The following STX11 variants were observed in gnomAD, a reference collection of about 807,000 sequenced individuals.
STX11 encodes syntaxin 11.
In STX11, 21 loss-of-function variants were observed where a neutral mutation model predicts 19.9. That is an observed-to-expected ratio of 1.06 (90% CI 0.75 to 1.52). STX11 has a LOEUF of 1.52. Ranked by LOEUF, STX11 falls within the 40% of genes most tolerant of loss-of-function variation. STX11 has a pLI of 0.00. For missense variants in STX11, 438 were observed against 405.9 expected, an observed-to-expected ratio of 1.08 and a Z score of -0.68; for synonymous variants, 193 against 174.4, an observed-to-expected ratio of 1.11 and a Z score of -0.84.
chr6:144,141,431 C>T, the STX11 span, among the ~76,000 whole-genome samples: 2 of 152,150 alleles, frequency 1.3e-5, no homozygotes, highest in Admixed American at 6.5e-5. Flanking sequence ...CAAAATAATA[C>T]GATTTTTCGC....
chr6:144,187,535 G>C lies in STX11; in HGVS notation c.*44G>C, dbSNP rs777687041. On this transcript the variant is annotated 3_prime_UTR_variant, in exon 2 of 2. Transcript: ENST00000367568. This position sits in a 1 kb window ranked among gnomAD's most constrained non-coding sequence, Gnocchi z 5.6. ...CACCGCCCATCCCAGACCATGGAGC[G>C]CGCTGGGAAGGACGCACCAAAGCCG... 1 of 1,610,896 alleles carries C rather than the reference G, an allele frequency of 6.2e-7. No individual in the cohort carries two copies. Among genetic ancestry groups the C allele is most frequent in the Non-Finnish European group, 8.5e-7 (1 of 1,179,616 alleles).
chr6:144,184,231 C>T lies in STX11; in HGVS notation c.-5-2392C>T, dbSNP rs1269649744. Among the ~76,000 whole-genome samples, 1 of 152,166 alleles carries T rather than the reference C, an allele frequency of 6.6e-6. No individual in the cohort carries two copies. The highest frequency in any genetic ancestry group is 2.4e-5 in the African/African-American group (1 of 41,430). On this transcript the variant is annotated intron_variant, in intron 1 of 1. Coordinates refer to ENST00000367568, the MANE Select transcript of STX11 (RefSeq NM_003764.4). This position sits in a 1 kb window ranked among gnomAD's most constrained non-coding sequence, Gnocchi z 6.5. ...ATATACCCAGTAATGGGATCGCTGG[C>T]TCAAATGGTGTTTCCAGTTCTAAAT...
Position 144,183,285 on chromosome 6 carries a change from GC to G in STX11, c.-5-3337del, listed in dbSNP as rs1344115405. ...TTTTTATGCCTAACAGAGTATATAT[GC>G]TTTTCATGCCATTAGATAGCCTTCT... On this transcript the variant is annotated intron_variant, in intron 1 of 1. Coordinates refer to ENST00000367568, the MANE Select transcript of STX11 (RefSeq NM_003764.4). The surrounding 1 kb of genome is among the most constrained non-coding windows in gnomAD (Gnocchi z 4.6). 6.6e-6 allele frequency among the ~76,000 whole-genome samples: 1 copy of G among 152,178 alleles called. No individual in the cohort carries two copies. Among genetic ancestry groups the G allele is most frequent in the Non-Finnish European group, 1.5e-5 (1 of 68,020 alleles).
intron 1 of STX11, among the ~76,000 whole-genome samples, chr6:144,156,343 C>T (rs539962279): frequency 1.3e-5 from 2 of 152,214 alleles, no homozygotes; most frequent in Admixed American, 6.5e-5. Context: ...GGATTATAGG[C>T]GTGAGCCACT....
rs1801566687 is a variant in STX11 at position 144,169,351 on chromosome 6, A to G, written c.-5-17272A>G. 6.6e-6 allele frequency among the ~76,000 whole-genome samples: 1 copy of G among 152,200 alleles called. No homozygotes were observed. Among genetic ancestry groups the G allele is most frequent in the Non-Finnish European group, 1.5e-5 (1 of 68,036 alleles). On this transcript the variant is annotated intron_variant, in intron 1 of 1. Coordinates refer to ENST00000367568, the MANE Select transcript of STX11 (RefSeq NM_003764.4). This position sits in a 1 kb window ranked among gnomAD's most constrained non-coding sequence, Gnocchi z 5.2. Reference sequence around the variant, plus strand: ...AGCAATGACCTTGGCAAATTCATCAATTAATTTCTCTGCTGCTTTGTGATC... The same window carrying G: ...AGCAATGACCTTGGCAAATTCATCAGTTAATTTCTCTGCTGCTTTGTGATC...
the STX11 span, among the ~76,000 whole-genome samples, chr6:144,140,250 ATATATT>A: frequency 0.017 from 733 of 43,706 alleles, no homozygotes; most frequent in Non-Finnish European, 0.021. Context: ...ATATATATAT[ATATATT>A]TATTTATTTA....
Position 144,153,483 on chromosome 6 carries a change from C to T in STX11, c.-6+2780C>T, listed in dbSNP as rs906678704. Among the ~76,000 whole-genome samples, 25 of 152,232 alleles carry T rather than the reference C, an allele frequency of 1.6e-4. No homozygotes were observed. The highest frequency in any genetic ancestry group is 1.2e-3 in the Admixed American group (19 of 15,290). Reference sequence around the variant, plus strand: ...CAGGAAACTCCAGCCTGTTTAGTGACGGCACAGAGGGAGGCCTACGGAGAC... The same window carrying T: ...CAGGAAACTCCAGCCTGTTTAGTGATGGCACAGAGGGAGGCCTACGGAGAC... On this transcript the variant is annotated intron_variant, in intron 1 of 1. Transcript: ENST00000367568. This position sits in a 1 kb window ranked among gnomAD's most constrained non-coding sequence, Gnocchi z 5.0.
At position 144,172,894 on chromosome 6, in the gene STX11, A is replaced by T. The variant is rs1037129281; in HGVS notation, c.-5-13729A>T. On this transcript the variant is annotated intron_variant, in intron 1 of 1. Coordinates refer to ENST00000367568, the MANE Select transcript of STX11 (RefSeq NM_003764.4). This position sits in a 1 kb window ranked among gnomAD's most constrained non-coding sequence, Gnocchi z 4.2. ...AGTAGACACCCCATTTAAAAAAAAA[A>T]AAGAGCCATTAACAGGATACATATG... Among the ~76,000 whole-genome samples the T allele has an allele frequency of 7.9e-5, 12 of 152,278 alleles. No homozygotes were observed. Among genetic ancestry groups the T allele is most frequent in the Non-Finnish European group, 1.8e-4 (12 of 68,026 alleles).
At position 144,176,718 on chromosome 6, in the gene STX11, T is replaced by C. The variant is rs1301959782; in HGVS notation, c.-5-9905T>C. ...CAAATCAAGCTGATCTTTGAACACA[T>C]GGTTGAAAGATGTTAATAATGGCCA... On this transcript the variant is annotated intron_variant, in intron 1 of 1. Coordinates refer to ENST00000367568, the MANE Select transcript of STX11 (RefSeq NM_003764.4). The surrounding 1 kb of genome is among the most constrained non-coding windows in gnomAD (Gnocchi z 4.1). Among the ~76,000 whole-genome samples the C allele has an allele frequency of 6.6e-6, 1 of 152,168 alleles. No individual in the cohort carries two copies. Among genetic ancestry groups the C allele is most frequent in the Non-Finnish European group, 1.5e-5 (1 of 68,030 alleles).
chr6:144,151,313 C>T lies in STX11; in HGVS notation c.-6+610C>T, dbSNP rs989904251. 4.1e-6 allele frequency: 4 copies of T among 985,270 alleles called. No homozygotes were observed. Among genetic ancestry groups the T allele is most frequent in the African/African-American group, 1.7e-5 (1 of 57,218 alleles). 61.0% of individuals were successfully genotyped at this position (985,270 alleles called of 1,614,324 possible). On this transcript the variant is annotated intron_variant, in intron 1 of 1. Coordinates refer to ENST00000367568, the MANE Select transcript of STX11 (RefSeq NM_003764.4). The surrounding 1 kb of genome is among the most constrained non-coding windows in gnomAD (Gnocchi z 4.6). ...GGGAATTCTGCCTTTTTCTAGACTC[C>T]GCTGACACCAGCTGAGATCTGTATT... is the stretch of plus-strand genomic sequence containing the variant.
Position 144,182,665 on chromosome 6 carries a change from A to T in STX11, c.-5-3958A>T, listed in dbSNP as rs541346004. Among the ~76,000 whole-genome samples, 1 of 152,282 alleles carries T rather than the reference A, an allele frequency of 6.6e-6. No homozygotes were observed. The highest frequency in any genetic ancestry group is 1.5e-5 in the Non-Finnish European group (1 of 68,030). The stretch of plus-strand genomic sequence containing the variant: ...TATTGTGATGAGATGATTTCCCCCA[A>T]TAGCTTTTTAATGGCTGTAGGAGAG... On this transcript the variant is annotated intron_variant, in intron 1 of 1. Transcript: ENST00000367568. This position sits in a 1 kb window ranked among gnomAD's most constrained non-coding sequence, Gnocchi z 4.8.
intron 1 of STX11, among the ~76,000 whole-genome samples, chr6:144,178,863 G>A (rs1040252338): frequency 8.5e-4 from 128 of 150,780 alleles, no homozygotes; most frequent in Non-Finnish European, 2.7e-4. Flanking sequence ...AATTAACTTC[G>A]GAGCAGCAAG....
intron 1 of STX11, among the ~76,000 whole-genome samples, chr6:144,185,374 C>T (rs1226946980): frequency 1.3e-5 from 2 of 152,172 alleles, no homozygotes; most frequent in African/African-American, 2.4e-5. Flanking sequence ...CCCCTCTTTG[C>T]TGCAAATTGT....
chr6:144,149,812 T>G (rs1800947224), upstream of STX11, among the ~76,000 whole-genome samples: 1 of 152,196 alleles, frequency 6.6e-6, no homozygotes, highest in Non-Finnish European at 1.5e-5. This position sits in a 1 kb window ranked among gnomAD's most constrained non-coding sequence, Gnocchi z 5.1. Context: ...TCCTTACTTT[T>G]CAGCCTCAGC....
rs1470334890 is a variant in STX11 at position 144,152,817 on chromosome 6, A to T, written c.-6+2114A>T. ...CCCGGCTAATTTTTGTATTTTTAGT[A>T]GGGACAAGGTTCGGCCCTGTTGGCC... On this transcript the variant is annotated intron_variant, in intron 1 of 1. Transcript: ENST00000367568. This position sits in a 1 kb window ranked among gnomAD's most constrained non-coding sequence, Gnocchi z 4.9. 6.6e-6 allele frequency among the ~76,000 whole-genome samples: 1 copy of T among 152,240 alleles called. No individual in the cohort carries two copies. The highest frequency in any genetic ancestry group is 2.4e-5 in the African/African-American group (1 of 41,466).
chr6:144,146,575 G>A (rs1262025246), upstream of STX11, among the ~76,000 whole-genome samples: 1 of 152,170 alleles, frequency 6.6e-6, no homozygotes, highest in Non-Finnish European at 1.5e-5. The surrounding 1 kb of genome is among the most constrained non-coding windows in gnomAD (Gnocchi z 4.4). Context: ...GCCTCCCAAA[G>A]TGCTGGGATT....
At chr6:144,166,880 C>A (rs58766147) in intron 1 of STX11, among the ~76,000 whole-genome samples, 1 of 149,988 alleles carries the variant, frequency 6.7e-6, no homozygotes, top group African/African-American at 2.5e-5. Flanking sequence ...CTCTCCTTCC[C>A]TTCCCTTCCT....
In STX11 at chr6:144,170,767, G is replaced by A. The variant is rs1362495913; in HGVS notation, c.-5-15856G>A. On this transcript the variant is annotated intron_variant, in intron 1 of 1. Transcript: ENST00000367568. The surrounding 1 kb of genome is among the most constrained non-coding windows in gnomAD (Gnocchi z 4.7). ...AGACAGAAAATAAACTGTTAGTAGTGTAATTAACAAATGGCATCATTTATA... is the reference window on the plus strand; with the variant it reads ...AGACAGAAAATAAACTGTTAGTAGTATAATTAACAAATGGCATCATTTATA... Among the ~76,000 whole-genome samples, 1 of 152,166 alleles carries A rather than the reference G, an allele frequency of 6.6e-6. No individual in the cohort carries two copies. Among genetic ancestry groups the A allele is most frequent in the African/African-American group, 2.4e-5 (1 of 41,430 alleles).
chr6:144,160,192 A>T lies in STX11; in HGVS notation c.-6+9489A>T, dbSNP rs1463539232. Among the ~76,000 whole-genome samples the T allele has an allele frequency of 6.6e-6, 1 of 151,920 alleles. No individual in the cohort carries two copies. The highest frequency in any genetic ancestry group is 6.6e-5 in the Admixed American group (1 of 15,242). On this transcript the variant is annotated intron_variant, in intron 1 of 1. Transcript: ENST00000367568. The surrounding 1 kb of genome is among the most constrained non-coding windows in gnomAD (Gnocchi z 4.3). ...TAATTTTTGTATTTTTTTAGTAGAG[A>T]CGGGGTTTCACTATATTTGGCCAGG...
Sources: gnomAD v4.1 joint callset for allele counts (sites outside exome capture counted in the v4.1 genomes callset) on GRCh38, gnomAD v4.1.1 for gene constraint, Gnocchi (gnomAD v3.1) non-coding constraint, MANE v1.5 for transcripts, NCBI Gene and HGNC (gene_info 2026-07-23, HGNC 2026-07-21) for gene names.